CWC27: variants seen among roughly 807,000 people sequenced by gnomAD.
CWC27 encodes spliceosome-associated protein CWC27 homolog.
Under a neutral mutation model 63.6 loss-of-function variants are expected in CWC27, and 47 were observed. That is an observed-to-expected ratio of 0.74 (90% confidence interval 0.58 to 0.94). The LOEUF is 0.94. Among genes scored for constraint, CWC27 ranks in the 40% least tolerant of loss-of-function variants. CWC27 has a pLI of 0.00. For synonymous variants in CWC27, 175 were observed against 179.8 expected (o/e 0.97, Z 0.22); for missense variants, 495 against 554.3 (o/e 0.89, Z 1.07).
At chr5:64,936,207 GC>G (rs200038573) in intron 11 of CWC27, among the ~76,000 whole-genome samples, 4,184 of 152,270 alleles carry the variant, frequency 0.027, 200 homozygotes, top group African/African-American at 0.095. Context: ...TCCAGCTTTT[GC>G]CCAGTCAGTA....
At chr5:64,810,767 C>T (rs10461499) in intron 10 of CWC27, among the ~76,000 whole-genome samples, 55,077 of 151,724 alleles carry the variant, frequency 0.36, 10,559 homozygotes, top group East Asian at 0.51. Context: ...CAAACACATA[C>T]CTCCTTGATT....
intron 11 of CWC27, among the ~76,000 whole-genome samples, chr5:64,917,557 T>C (rs1206124223): frequency 2.0e-5 from 3 of 152,140 alleles, no homozygotes; most frequent in African/African-American, 7.2e-5. Flanking sequence ...GGTGATAAAA[T>C]TGGCATTTGA....
At chr5:64,906,707 G>T (rs1460041356) in intron 11 of CWC27, among the ~76,000 whole-genome samples, 1 of 152,100 alleles carries the variant, frequency 6.6e-6, no homozygotes, top group African/African-American at 2.4e-5. Context: ...GGCTTTTGTT[G>T]CCATTGCTTT....
chr5:64,833,108 C>T (rs1211787701), intron 10 of CWC27, among the ~76,000 whole-genome samples: 1 of 151,732 alleles, frequency 6.6e-6, no homozygotes, highest in African/African-American at 2.4e-5. Context: ...GCTCTTAGAA[C>T]AGTAACTGGT....
At chr5:64,956,413 C>T (rs534627817) in intron 11 of CWC27, among the ~76,000 whole-genome samples, 91 of 152,200 alleles carry the variant, frequency 6.0e-4, no homozygotes, top group Non-Finnish European at 8.4e-4. Context: ...TTTTCTCTGC[C>T]TCCTGTGCAT....
chr5:64,877,311 T>C (rs1254747700), intron 10 of CWC27, among the ~76,000 whole-genome samples: 1 of 151,926 alleles, frequency 6.6e-6, no homozygotes, highest in East Asian at 1.9e-4. Flanking sequence ...AAGCCAAGCA[T>C]AGAAAGACAA....
intron 11 of CWC27, among the ~76,000 whole-genome samples, chr5:64,937,025 G>C (rs1451690887): frequency 6.6e-6 from 1 of 151,548 alleles, no homozygotes; most frequent in Non-Finnish European, 1.5e-5. Flanking sequence ...GGTCTATTTT[G>C]TTGATATTTT....
chr5:64,871,597 A>G (rs1422410261), intron 10 of CWC27, among the ~76,000 whole-genome samples: 1 of 152,168 alleles, frequency 6.6e-6, no homozygotes, highest in Non-Finnish European at 1.5e-5. Context: ...AGAACCTTGC[A>G]GTCTTAAGGA....
chr5:64,876,253 T>A (rs1746791803), intron 10 of CWC27, among the ~76,000 whole-genome samples: 1 of 152,146 alleles, frequency 6.6e-6, no homozygotes, highest in African/African-American at 2.4e-5. Flanking sequence ...ATCTATAATT[T>A]TAATACATAT....
intron 4 of CWC27, among the ~76,000 whole-genome samples, chr5:64,784,468 T>C (rs1743811331): frequency 1.3e-5 from 2 of 152,250 alleles, no homozygotes; most frequent in Admixed American, 6.5e-5. Flanking sequence ...GTCCTTTCTA[T>C]AGAATTTTTA....
chr5:64,905,200 C>CAAAAAAAAAAAA lies in CWC27; in HGVS notation c.1042+19667_1042+19678dup, dbSNP rs71608574. On this transcript the variant is annotated intron_variant, in intron 11 of 13. Transcript: ENST00000381070. The stretch of plus-strand genomic sequence containing the variant: ...TGGGCGACAGAGCCACACTACATCT[C>CAAAAAAAAAAAA]AAAAAAAAAAAAAAAAAAAAAAAAC... Among the ~76,000 whole-genome samples, 21 of 55,556 alleles carry CAAAAAAAAAAAA rather than the reference C, an allele frequency of 3.8e-4. 1 individual carries two copies. The highest frequency in any genetic ancestry group is 1.4e-3 in the African/African-American group (21 of 14,826). The allele number at this position is 55,556 out of a possible 152,430, so 36.4% of individuals were successfully genotyped here.
chr5:64,955,994 A>G (rs183206772), intron 11 of CWC27, among the ~76,000 whole-genome samples: 1 of 152,214 alleles, frequency 6.6e-6, no homozygotes, highest in African/African-American at 2.4e-5. Context: ...GTTCACTGAT[A>G]AGAGGTGTGT....
chr5:65,018,079 T>C (rs2112479005), intron 13 of CWC27, 80 bp from the exon 14 acceptor site: 2 of 1,232,328 alleles, frequency 1.6e-6, no homozygotes, highest in Non-Finnish European at 2.2e-6. Flanking sequence ...TGTTTCATTA[T>C]GTCGATGATA....
intron 11 of CWC27, among the ~76,000 whole-genome samples, chr5:64,909,707 T>C (rs1747743855): frequency 6.6e-6 from 1 of 152,196 alleles, no homozygotes; most frequent in African/African-American, 2.4e-5. Context: ...ACTGATAACC[T>C]TTCTTCCACT....
chr5:64,893,544 T>C (rs1223422607), intron 11 of CWC27, among the ~76,000 whole-genome samples: 2 of 151,706 alleles, frequency 1.3e-5, no homozygotes, highest in African/African-American at 4.9e-5. Flanking sequence ...GATGGTACAG[T>C]TGCAGCTTTT....
chr5:64,847,892 T>A (rs937680337), intron 10 of CWC27, among the ~76,000 whole-genome samples: 1 of 151,480 alleles, frequency 6.6e-6, no homozygotes, highest in Non-Finnish European at 1.5e-5. Context: ...CTATGAGGAA[T>A]GTTTATAGCA....
intron 11 of CWC27, among the ~76,000 whole-genome samples, chr5:64,906,592 T>G (rs1300952058): frequency 6.6e-6 from 1 of 152,238 alleles, no homozygotes; most frequent in Non-Finnish European, 1.5e-5. Flanking sequence ...ATGGATAGAT[T>G]GCAAAAATTT....
chr5:64,977,230 T>C lies in CWC27; in HGVS notation c.1248T>C (p.Asp416=). 1 of 1,605,548 alleles carries C rather than the reference T, an allele frequency of 6.2e-7. No homozygotes were observed. Among genetic ancestry groups the C allele is most frequent in the Non-Finnish European group, 8.5e-7 (1 of 1,173,010 alleles). Residue 416 remains aspartate, a synonymous_variant, in exon 13 of 14, where the codon GAT becomes GAC. Coordinates refer to ENST00000381070, the MANE Select transcript of CWC27 (RefSeq NM_005869.4). ...NDIPETEVED[D]EGWMSHVLQF... ...TTCCTGAAACAGAAGTAGAAGATGA[T>C]GAAGGATGGTAAGGGCTTTGATTTC... is the stretch of plus-strand genomic sequence containing the variant.
At chr5:64,973,423 T>C (rs1749160397) in intron 12 of CWC27, among the ~76,000 whole-genome samples, 1 of 152,206 alleles carries the variant, frequency 6.6e-6, no homozygotes, top group Non-Finnish European at 1.5e-5. Flanking sequence ...TATGCCAAGA[T>C]TGGGCTCCTT....
Sources: gnomAD v4.1 joint callset for allele counts (sites outside exome capture counted in the v4.1 genomes callset) on GRCh38, gnomAD v4.1.1 for gene constraint, MANE v1.5 for transcripts, NCBI Gene and HGNC (gene_info 2026-07-23, HGNC 2026-07-21) for gene names.